SLC25A21: variants seen among roughly 807,000 people sequenced by gnomAD.
SLC25A21 encodes mitochondrial 2-oxodicarboxylate carrier.
A neutral mutation model predicts 43.8 loss-of-function variants in SLC25A21; 47 were observed. The observed-to-expected ratio is 1.07, with a 90% CI of 0.85 to 1.37. The LOEUF (loss-of-function observed/expected upper bound fraction) is 1.37. Among genes scored for constraint, SLC25A21 ranks in the 40% most tolerant of loss-of-function variants. The pLI, the probability that SLC25A21 is intolerant of heterozygous loss-of-function variation, is 0.00. For missense variants in SLC25A21, 352 were observed against 350.2 expected (o/e 1.00, Z -0.04); for synonymous variants, 131 against 121.3 (o/e 1.08, Z -0.52).
In SLC25A21 at chr14:36,752,285, C is replaced by T. The variant is rs150238951; in HGVS notation, c.204-17712G>A. ...AGATGTGAAGAAATTGGAACCCTTA[C>T]GCATTGCTTTTGGGAATGTAAAGTG... is the stretch of plus-strand genomic sequence containing the variant. On this transcript the variant is annotated intron_variant, in intron 3 of 9. Transcript: ENST00000331299. Among the ~76,000 whole-genome samples, 982 of 152,242 alleles carry T rather than the reference C, an allele frequency of 6.5e-3. 11 individuals carry two copies. Among genetic ancestry groups the T allele is most frequent in the African/African-American group, 0.022 (906 of 41,542 alleles).
intron 1 of SLC25A21, among the ~76,000 whole-genome samples, chr14:36,973,712 G>A (rs938591130): frequency 6.6e-6 from 1 of 152,188 alleles, no homozygotes; most frequent in Non-Finnish European, 1.5e-5. Flanking sequence ...ATTCTCATAC[G>A]TGGTTAAGTC....
At chr14:36,976,194 A>C (rs12881808) in intron 1 of SLC25A21, among the ~76,000 whole-genome samples, 33,902 of 152,110 alleles carry the variant, frequency 0.22, 4,014 homozygotes, top group South Asian at 0.33. Context: ...CCAATCATGC[A>C]GCATAGGAGA....
At chr14:36,951,670 A>T (rs11844645) in intron 1 of SLC25A21, among the ~76,000 whole-genome samples, 2,694 of 152,284 alleles carry the variant, frequency 0.018, 73 homozygotes, top group African/African-American at 0.061. Flanking sequence ...CAATTCAATA[A>T]CTATTAAGAT....
intron 6 of SLC25A21, among the ~76,000 whole-genome samples, chr14:36,720,306 A>T (rs111828878): frequency 6.6e-6 from 1 of 152,334 alleles, no homozygotes; most frequent in African/African-American, 2.4e-5. Context: ...GTTGTTAGGA[A>T]ATTTCATGTC....
intron 1 of SLC25A21, among the ~76,000 whole-genome samples, chr14:36,927,118 A>G (rs1892154149): frequency 6.6e-6 from 1 of 152,084 alleles, no homozygotes; most frequent in Admixed American, 6.6e-5. Flanking sequence ...TGCAGTGAGC[A>G]GAGATCAAGC....
At chr14:36,840,038 T>G (rs1232209670) in intron 2 of SLC25A21, among the ~76,000 whole-genome samples, 7 of 152,140 alleles carry the variant, frequency 4.6e-5, no homozygotes, top group Non-Finnish European at 1.0e-4. Flanking sequence ...GATGGCAGCT[T>G]GAGGGGAAAG....
At position 36,798,964 on chromosome 14, in the gene SLC25A21, T is replaced by G. The variant is rs564411467; in HGVS notation, c.203+14954A>C. Among the ~76,000 whole-genome samples the G allele has an allele frequency of 7.9e-5, 12 of 151,936 alleles. No individual in the cohort carries two copies. The East Asian group carries it at 2.3e-3, about 30-fold the overall frequency. On this transcript the variant is annotated intron_variant, in intron 3 of 9. Transcript: ENST00000331299. Reference sequence around the variant, plus strand: ...ATTGATTAAACAAACGAGATTAAAATAGGATATGAGGGACTTAGAAATGTA... The same window carrying G: ...ATTGATTAAACAAACGAGATTAAAAGAGGATATGAGGGACTTAGAAATGTA...
At chr14:36,799,624 T>G (rs1173803741) in intron 3 of SLC25A21, among the ~76,000 whole-genome samples, 1 of 152,188 alleles carries the variant, frequency 6.6e-6, no homozygotes, top group Non-Finnish European at 1.5e-5. Context: ...AAAGAAGAAT[T>G]TATGTTTTTT....
At chr14:36,892,402 T>C (rs956096690) in intron 1 of SLC25A21, among the ~76,000 whole-genome samples, 2 of 152,078 alleles carry the variant, frequency 1.3e-5, no homozygotes, top group South Asian at 2.1e-4. Context: ...GATGAACGGA[T>C]ACAGGAAATG....
At chr14:37,140,008 C>T (rs1321735231) in intron 1 of SLC25A21, among the ~76,000 whole-genome samples, 1 of 152,176 alleles carries the variant, frequency 6.6e-6, no homozygotes, top group African/African-American at 2.4e-5. Flanking sequence ...CTGAATAGTA[C>T]ATTCTTAGAA....
chr14:37,123,334 C>T (rs977899426), intron 1 of SLC25A21, among the ~76,000 whole-genome samples: 2 of 152,094 alleles, frequency 1.3e-5, no homozygotes, highest in Admixed American at 1.3e-4. Flanking sequence ...TGAAAACAAG[C>T]ACCTATAACT....
chr14:37,122,748 C>CCT (rs1445043310), intron 1 of SLC25A21, among the ~76,000 whole-genome samples: 1 of 152,180 alleles, frequency 6.6e-6, no homozygotes, highest in East Asian at 1.9e-4. Flanking sequence ...GCTGTATCCT[C>CCT]CTTCCCTCTT....
At chr14:36,796,871 A>G (rs1887692938) in intron 3 of SLC25A21, among the ~76,000 whole-genome samples, 1 of 152,170 alleles carries the variant, frequency 6.6e-6, no homozygotes, top group African/African-American at 2.4e-5. Context: ...ACTTTACTTA[A>G]CTGCCTCAGG....
At chr14:36,861,707 T>A (rs999500931) in intron 2 of SLC25A21, among the ~76,000 whole-genome samples, 11 of 152,212 alleles carry the variant, frequency 7.2e-5, no homozygotes, top group African/African-American at 2.7e-4. Context: ...TTAAAACTGT[T>A]ACAATAGCAA....
intron 1 of SLC25A21, among the ~76,000 whole-genome samples, chr14:36,926,330 C>T (rs1892130875): frequency 6.6e-6 from 1 of 152,040 alleles, no homozygotes; most frequent in African/African-American, 2.4e-5. Flanking sequence ...GAAAACACAA[C>T]ATTATCAAAA....
intron 1 of SLC25A21, among the ~76,000 whole-genome samples, chr14:36,952,552 G>A (rs1487545466): frequency 6.6e-6 from 1 of 151,918 alleles, no homozygotes; most frequent in East Asian, 1.9e-4. Context: ...CTAAATGTAG[G>A]AGTCTCATCC....
rs569048030 is a variant in SLC25A21 at position 37,035,870 on chromosome 14, A to C, written c.70+136411T>G. On this transcript the variant is annotated intron_variant, in intron 1 of 9. Transcript: ENST00000331299. ...ACTTTGCTGTTTATGTACAGCAATA[A>C]ATGATTTTTTAAAAACATATTTGGG... Among the ~76,000 whole-genome samples the C allele has an allele frequency of 3.9e-5, 6 of 152,336 alleles. No individual in the cohort carries two copies. In the South Asian group the frequency reaches 1.2e-3, roughly 32 times the overall value.
At chr14:36,831,911 T>A (rs1477771056) in intron 2 of SLC25A21, among the ~76,000 whole-genome samples, 1 of 152,206 alleles carries the variant, frequency 6.6e-6, no homozygotes. Flanking sequence ...ATTCTTTTCC[T>A]TCGAGCTATT....
chr14:36,968,501 T>C (rs1044910876), intron 1 of SLC25A21, among the ~76,000 whole-genome samples: 4 of 152,220 alleles, frequency 2.6e-5, no homozygotes, highest in Non-Finnish European at 5.9e-5. Context: ...AAGTCTTTTC[T>C]CTTTTCAGAG....
Sources: gnomAD v4.1 joint callset for allele counts (sites outside exome capture counted in the v4.1 genomes callset) on GRCh38, gnomAD v4.1.1 for gene constraint, MANE v1.5 for transcripts, NCBI Gene and HGNC (gene_info 2026-07-23, HGNC 2026-07-21) for gene names.